The following SLC25A17 variants were observed in gnomAD, a reference collection of about 807,000 sequenced individuals.
The protein encoded by SLC25A17 is solute carrier family 25 member 17.
A neutral mutation model predicts 38.5 loss-of-function variants in SLC25A17; 26 were observed. The ratio of observed to expected loss-of-function variants is 0.68; its 90% confidence interval spans 0.50 to 0.94. SLC25A17 has a LOEUF of 0.94. Among genes scored for constraint, SLC25A17 ranks in the 40% least tolerant of loss-of-function variants. The pLI is 0.00. For missense variants in SLC25A17, 333 were observed against 372.7 expected (o/e 0.89, Z 0.88); for synonymous variants, 139 against 136.2 (o/e 1.02, Z -0.14).
At chr22:40,816,868 C>A (rs1041724528) in intron 1 of SLC25A17, among the ~76,000 whole-genome samples, 18 of 152,184 alleles carry the variant, frequency 1.2e-4, no homozygotes, top group Non-Finnish European at 2.5e-4. Context: ...GCCTCAGCCT[C>A]CCAAAGTGCT....
At chr22:40,781,486 C>A (rs1036225000) in intron 4 of SLC25A17, among the ~76,000 whole-genome samples, 1 of 152,058 alleles carries the variant, frequency 6.6e-6, no homozygotes, top group Non-Finnish European at 1.5e-5. Context: ...ACCTCGTGAT[C>A]CGCCCGCCTC....
chr22:40,778,590 T>G (rs2057267158), intron 5 of SLC25A17, among the ~76,000 whole-genome samples: 1 of 152,242 alleles, frequency 6.6e-6, no homozygotes, highest in Non-Finnish European at 1.5e-5. Flanking sequence ...AATTATACTT[T>G]AAGTTCTAGG....
intron 8 of SLC25A17, 72 bp from the exon 9 acceptor site, chr22:40,771,053 T>C (rs1173380415): frequency 1.5e-6 from 2 of 1,310,682 alleles, no homozygotes; most frequent in African/African-American, 1.5e-5. Context: ...AGATAGCTAC[T>C]TTGATAAGAA....
intron 1 of SLC25A17, among the ~76,000 whole-genome samples, chr22:40,800,690 C>T (rs979164075): frequency 2.0e-5 from 3 of 151,970 alleles, no homozygotes; most frequent in Admixed American, 6.6e-5. Context: ...AGCCACTGCA[C>T]CTGGCTTCAT....
chr22:40,793,268 G>T (rs1047668829), intron 3 of SLC25A17, among the ~76,000 whole-genome samples: 1 of 152,166 alleles, frequency 6.6e-6, no homozygotes, highest in African/African-American at 2.4e-5. Flanking sequence ...TGCCAACATT[G>T]GTACCTGTAG....
chr22:40,770,702 T>G lies in SLC25A17; in HGVS notation c.*132A>C. 3.2e-6 allele frequency: 3 copies of G among 943,946 alleles called. No homozygotes were observed. The highest frequency in any genetic ancestry group is 4.5e-6 in the Non-Finnish European group (3 of 662,944). 58.5% of individuals were successfully genotyped at this position (943,946 alleles called of 1,614,324 possible). Reference sequence around the variant, plus strand: ...AGTTGGCCATACTCCCTGTGCACCCTTGGATGCTTTTCAAGCCAATGAGGG... The same window carrying G: ...AGTTGGCCATACTCCCTGTGCACCCGTGGATGCTTTTCAAGCCAATGAGGG... On this transcript the variant is annotated 3_prime_UTR_variant, in exon 9 of 9. Coordinates refer to ENST00000435456, the MANE Select transcript of SLC25A17 (RefSeq NM_006358.4).
intron 1 of SLC25A17, among the ~76,000 whole-genome samples, chr22:40,804,423 T>C (rs796891370): frequency 1.5e-4 from 23 of 152,282 alleles, no homozygotes; most frequent in African/African-American, 4.6e-4. Context: ...TGATATCCCA[T>C]TGTGATTCTG....
intron 4 of SLC25A17, among the ~76,000 whole-genome samples, chr22:40,782,533 A>T (rs993485740): frequency 6.6e-6 from 1 of 152,236 alleles, no homozygotes; most frequent in African/African-American, 2.4e-5. Flanking sequence ...AATTAGTTTT[A>T]TCAGCAGTGA....
chr22:40,815,351 G>T (rs572085022), intron 1 of SLC25A17, among the ~76,000 whole-genome samples: 1 of 152,294 alleles, frequency 6.6e-6, no homozygotes, highest in East Asian at 1.9e-4. Flanking sequence ...GACAAAGATT[G>T]AAGGTAGCAG....
intron 2 of SLC25A17, among the ~76,000 whole-genome samples, chr22:40,796,867 G>T (rs1267358214): frequency 3.3e-5 from 5 of 152,162 alleles, no homozygotes; most frequent in Non-Finnish European, 2.9e-5. Flanking sequence ...ACACTCCACG[G>T]CTGTAAGACA....
intron 5 of SLC25A17, among the ~76,000 whole-genome samples, chr22:40,777,707 G>A (rs975344084): frequency 5.3e-5 from 8 of 151,778 alleles, no homozygotes; most frequent in African/African-American, 9.7e-5. Context: ...GCTTGAACCC[G>A]GGAGGCAGAG....
At chr22:40,795,499 C>T (rs2057421005) in intron 2 of SLC25A17, among the ~76,000 whole-genome samples, 1 of 151,680 alleles carries the variant, frequency 6.6e-6, no homozygotes, top group African/African-American at 2.4e-5. Context: ...TCACTGTTAG[C>T]CAGGATGGTC....
At chr22:40,798,195 A>C (rs1220237003) in intron 2 of SLC25A17, 1 of 152,306 alleles carries the variant, frequency 6.6e-6, no homozygotes, top group Non-Finnish European at 1.5e-5. Flanking sequence ...GGGGCTGTTG[A>C]TATGGTCTTG....
At chr22:40,774,225 C>T (rs1401267841) in intron 7 of SLC25A17, among the ~76,000 whole-genome samples, 1 of 149,514 alleles carries the variant, frequency 6.7e-6, no homozygotes, top group African/African-American at 2.5e-5. Context: ...AAAAATTTTT[C>T]CTTTTTTTTT....
chr22:40,810,119 C>G (rs1317244264), intron 1 of SLC25A17, among the ~76,000 whole-genome samples: 1 of 152,018 alleles, frequency 6.6e-6, no homozygotes, highest in Non-Finnish European at 1.5e-5. Flanking sequence ...ATAGGAATGT[C>G]TTTTGTTATA....
intron 1 of SLC25A17, among the ~76,000 whole-genome samples, chr22:40,803,635 G>A (rs1048267633): frequency 5.3e-5 from 8 of 151,558 alleles, no homozygotes; most frequent in African/African-American, 9.7e-5. Context: ...TCTTTGACAC[G>A]CTGATTTCAT....
At chr22:40,817,457 A>C (rs924902618) in intron 1 of SLC25A17, 6 of 151,866 alleles carry the variant, frequency 4.0e-5, no homozygotes, top group African/African-American at 1.5e-4. Context: ...TCTCACGACT[A>C]CTCTTAGGCA....
intron 5 of SLC25A17, among the ~76,000 whole-genome samples, chr22:40,778,378 C>T (rs1181159272): frequency 1.3e-5 from 2 of 152,092 alleles, no homozygotes; most frequent in Non-Finnish European, 2.9e-5. Context: ...TTGGGTGTGT[C>T]CTCTTGACCT....
At chr22:40,802,654 A>AG (rs2057493588) in intron 1 of SLC25A17, among the ~76,000 whole-genome samples, 1 of 152,214 alleles carries the variant, frequency 6.6e-6, no homozygotes, top group Non-Finnish European at 1.5e-5. Context: ...TCAAAAAAAA[A>AG]GAAAATTCAA....
Sources: allele counts gnomAD v4.1 joint callset (sites outside exome capture counted in the v4.1 genomes callset), GRCh38; gene constraint gnomAD v4.1.1; transcripts MANE v1.5; gene names NCBI Gene and HGNC (gene_info 2026-07-23, HGNC 2026-07-21).